Variants in DZIP3 observed in about 807,000 individuals in gnomAD.
DZIP3 encodes the protein E3 ubiquitin-protein ligase DZIP3.
Under a neutral mutation model 162.0 loss-of-function variants are expected in DZIP3, and 118 were observed. The ratio of observed to expected loss-of-function variants is 0.73; its 90% confidence interval spans 0.63 to 0.85. The LOEUF is 0.85. DZIP3 is among the 40% of genes least tolerant of loss of function. DZIP3 has a pLI of 0.00. For synonymous variants in DZIP3, 438 were observed against 458.6 expected, an observed-to-expected ratio of 0.96 and a Z score of 0.57; for missense variants, 1,331 against 1,407.0, an observed-to-expected ratio of 0.95 and a Z score of 0.86.
intron 4 of DZIP3, among the ~76,000 whole-genome samples, chr3:108,616,137 G>A (rs949637849): frequency 6.6e-6 from 1 of 152,082 alleles, no homozygotes; most frequent in Non-Finnish European, 1.5e-5. Context: ...GGTGGTGGGT[G>A]TCTGTAGTCC....
intron 1 of DZIP3, among the ~76,000 whole-genome samples, chr3:108,590,326 ACATTTC>A (rs1939317465): frequency 6.6e-6 from 1 of 152,258 alleles, no homozygotes; most frequent in Non-Finnish European, 1.5e-5. Context: ...AGAATAGGGT[ACATTTC>A]CATTTAATTA....
At chr3:108,649,001 C>G in intron 17 of DZIP3, 39 bp downstream of exon 17, 1 of 1,054,376 alleles carries the variant, frequency 9.5e-7, no homozygotes, top group South Asian at 1.6e-5. Context: ...TGATTATGAA[C>G]ACTTGAGTTA....
intron 4 of DZIP3, among the ~76,000 whole-genome samples, chr3:108,611,660 A>G (rs866732790): frequency 4.6e-5 from 7 of 152,222 alleles, no homozygotes; most frequent in Middle Eastern, 3.4e-3. Flanking sequence ...TTGTTCTCCT[A>G]ACTCATAAAA....
intron 1 of DZIP3, among the ~76,000 whole-genome samples, chr3:108,597,380 G>A (rs1172680386): frequency 6.6e-6 from 1 of 151,194 alleles, no homozygotes; most frequent in Non-Finnish European, 1.5e-5. Context: ...ATCTATCCCA[G>A]AATAAGAATG....
At chr3:108,601,294 T>C (rs946071510) in intron 1 of DZIP3, among the ~76,000 whole-genome samples, 1 of 152,048 alleles carries the variant, frequency 6.6e-6, no homozygotes, top group Non-Finnish European at 1.5e-5. Flanking sequence ...GGGAGCTGCC[T>C]CTGGCATCTG....
Position 108,611,252 on chromosome 3 carries a change from A to G in DZIP3, c.181A>G (p.Ile61Val). The G allele has an allele frequency of 6.2e-7, 1 of 1,611,824 alleles. No individual in the cohort carries two copies. Among genetic ancestry groups the G allele is most frequent in the Non-Finnish European group, 8.5e-7 (1 of 1,178,852 alleles). ...AGAAGTGAAGAAGTTATTAAATGCA[A>G]TTAATACTCTACCAAAAGGTGTGGT... Reference protein sequence around the residue: ...LLEVKKLLNAINTLPKGVVPH... With the variant: ...LLEVKKLLNAVNTLPKGVVPH... The change falls in exon 4 of 33, where the codon ATT becomes GTT. Residue 61 changes from isoleucine to valine, a missense_variant. Physicochemically the swap from Ile to Val is conservative, Grantham distance 29 (BLOSUM62 3). Transcript: ENST00000361582.
intron 1 of DZIP3, among the ~76,000 whole-genome samples, chr3:108,597,978 T>C (rs1939796828): frequency 6.6e-6 from 1 of 152,212 alleles, no homozygotes; most frequent in South Asian, 2.1e-4. Flanking sequence ...CATTTCATTG[T>C]TTATTTCAGT....
At chr3:108,649,372 A>G (rs1265705162) in intron 17 of DZIP3, among the ~76,000 whole-genome samples, 2 of 151,874 alleles carry the variant, frequency 1.3e-5, no homozygotes, top group Non-Finnish European at 3.0e-5. Flanking sequence ...GTCTGAGACT[A>G]TGCCAAAGAT....
At chr3:108,600,209 G>A (rs1939930221) in intron 1 of DZIP3, among the ~76,000 whole-genome samples, 1 of 152,272 alleles carries the variant, frequency 6.6e-6, no homozygotes, top group Admixed American at 6.5e-5. Context: ...GAGTCTGCTT[G>A]TTAACAGACC....
intron 17 of DZIP3, 146 bp from the exon 18 acceptor site, chr3:108,650,991 C>G (rs1942836723): frequency 4.6e-6 from 1 of 218,924 alleles, no homozygotes; most frequent in South Asian, 1.1e-4. Flanking sequence ...AAAGTATATG[C>G]ATAAGTGCAT....
chr3:108,684,147 T>C, intron 26 of DZIP3, 69 bp from the exon 27 acceptor site: 2 of 1,515,506 alleles, frequency 1.3e-6, no homozygotes, highest in Admixed American at 2.1e-5. Flanking sequence ...ATTTAGATGA[T>C]TGCCTAAATA....
At chr3:108,659,337 C>T (rs1391570263) in intron 19 of DZIP3, among the ~76,000 whole-genome samples, 37 of 152,274 alleles carry the variant, frequency 2.4e-4, no homozygotes, top group Admixed American at 2.0e-3. Context: ...GCTGGTTCAA[C>T]ATACGCAAAT....
rs758462965 is a variant in DZIP3 at position 108,644,410 on chromosome 3, A to G, written c.1388A>G (p.Lys463Arg). The G allele has an allele frequency of 1.2e-6, 2 of 1,614,064 alleles. No individual in the cohort carries two copies. Among genetic ancestry groups the G allele is most frequent in the South Asian group, 2.2e-5 (2 of 91,072 alleles). The change falls in exon 14 of 33, where the codon AAA becomes AGA. Residue 463 changes from lysine (K) to arginine (R), a missense_variant. Around this residue, in one of 2 missense-constraint regions of DZIP3, gnomAD observed 1,278 missense variants for 1,317.1 expected, o/e 0.97. Coordinates refer to ENST00000361582, the MANE Select transcript of DZIP3 (RefSeq NM_014648.4). The part of the protein sequence containing the change: ...YPPNKELPQS[K>R]QFDLCLLLAL... ...CCTAACAAGGAGTTACCGCAATCCAAACAGTTTGACTTATGCCTCCTGTTA... is the reference window on the plus strand; with the variant it reads ...CCTAACAAGGAGTTACCGCAATCCAGACAGTTTGACTTATGCCTCCTGTTA...
At chr3:108,666,863 T>C (rs1017521188) in intron 21 of DZIP3, among the ~76,000 whole-genome samples, 4 of 152,150 alleles carry the variant, frequency 2.6e-5, no homozygotes, top group South Asian at 2.1e-4. Flanking sequence ...TGTCAAAATT[T>C]GTGCCACATA....
At position 108,693,697 on chromosome 3, in the gene DZIP3, G is replaced by GAGTT. The variant is rs1176805961; in HGVS notation, c.*346_*349dup. On this transcript the variant is annotated 3_prime_UTR_variant, in exon 33 of 33. Coordinates refer to ENST00000361582, the MANE Select transcript of DZIP3 (RefSeq NM_014648.4). ...AGATATCAGGAAGTAGTAAGAAAAG[G>GAGTT]AGTTAATATGCAAACTAAATCACTC... 2 of 152,106 alleles carry GAGTT rather than the reference G, an allele frequency of 1.3e-5. No homozygotes were observed. The highest frequency in any genetic ancestry group is 3.9e-4 in the East Asian group (2 of 5,192). The allele number at this position is 152,106 out of a possible 1,614,324, so 9.4% of individuals were successfully genotyped here. A position where few individuals can be genotyped will look rare whatever the true frequency, so the allele number is the denominator to read the frequency against.
At chr3:108,681,199 A>G (rs963984034) in intron 26 of DZIP3, among the ~76,000 whole-genome samples, 2 of 152,206 alleles carry the variant, frequency 1.3e-5, no homozygotes, top group African/African-American at 4.8e-5. Context: ...CAAAGGGCTT[A>G]TATCTAGAAT....
intron 12 of DZIP3, among the ~76,000 whole-genome samples, chr3:108,638,711 A>G (rs987629226): frequency 6.6e-6 from 1 of 152,202 alleles, no homozygotes; most frequent in African/African-American, 2.4e-5. Context: ...CTCGTTTGAA[A>G]TTCTCAAACA....
chr3:108,672,840 A>G (rs1256619204), intron 23 of DZIP3, among the ~76,000 whole-genome samples, 184 bp downstream of exon 23: 3 of 151,936 alleles, frequency 2.0e-5, no homozygotes, highest in Non-Finnish European at 4.4e-5. Context: ...TCATGTGTGA[A>G]TACTTCAGTT....
chr3:108,618,986 A>G, intron 5 of DZIP3, among the ~76,000 whole-genome samples: 1 of 136,600 alleles, frequency 7.3e-6, no homozygotes, highest in African/African-American at 2.7e-5. Context: ...AATTGAACCC[A>G]GGAGGCAGAG....
Sources: allele counts gnomAD v4.1 joint callset (sites outside exome capture counted in the v4.1 genomes callset), GRCh38; gene constraint gnomAD v4.1.1; regional missense constraint gnomAD v4.1.1; transcripts MANE v1.5; gene names NCBI Gene and HGNC (gene_info 2026-07-23, HGNC 2026-07-21).